The following SEMA6D variants were observed in gnomAD, a reference collection of about 807,000 sequenced individuals.
SEMA6D encodes semaphorin 6D.
SEMA6D carries 35 observed loss-of-function variants against 106.6 expected under a neutral mutation model. The observed-to-expected ratio is 0.33, with a 90% confidence interval of 0.25 to 0.44. The LOEUF is 0.44. Ranked by LOEUF, SEMA6D falls within the 20% of genes least tolerant of loss-of-function variation. The pLI is 1.00. For synonymous variants in SEMA6D, 499 were observed against 487.7 expected, an observed-to-expected ratio of 1.02 and a Z score of -0.31; for missense variants, 1,185 against 1,345.9, an observed-to-expected ratio of 0.88 and a Z score of 1.87.
At chr15:47,570,568 A>C (rs951999589) in intron 3 of SEMA6D, among the ~76,000 whole-genome samples, 6 of 152,200 alleles carry the variant, frequency 3.9e-5, no homozygotes, top group Non-Finnish European at 8.8e-5. Context: ...TGTCTTCATC[A>C]AAAGGGATTG....
intron 3 of SEMA6D, among the ~76,000 whole-genome samples, chr15:47,535,082 A>C (rs75143553): frequency 2.6e-4 from 39 of 151,608 alleles, no homozygotes; most frequent in Admixed American, 2.2e-3. Flanking sequence ...AAAAAAAAAA[A>C]ACACAAAAAC....
At chr15:47,228,549 T>C (rs1595776240) in intron 1 of SEMA6D, among the ~76,000 whole-genome samples, 1 of 152,110 alleles carries the variant, frequency 6.6e-6, no homozygotes, top group East Asian at 1.9e-4. Flanking sequence ...AAAAAATAGC[T>C]GATGTTCACT....
In SEMA6D at chr15:47,283,411, A is replaced by C. The variant is rs150511575; in HGVS notation, c.-239+98993A>C. Among the ~76,000 whole-genome samples, 217 of 152,310 alleles carry C rather than the reference A, an allele frequency of 1.4e-3. 1 individual carries two copies. Among genetic ancestry groups the C allele is most frequent in the African/African-American group, 5.1e-3 (210 of 41,568 alleles). ...TAGGCACATACTGATTAATTGGTTG[A>C]ATTGTACTTTGACTTTCCGTTGGAG... On this transcript the variant is annotated intron_variant, in intron 1 of 19. Coordinates refer to the SEMA6D transcript ENST00000558014.
intron 1 of SEMA6D, among the ~76,000 whole-genome samples, chr15:47,332,434 G>A (rs1432204859): frequency 1.3e-5 from 2 of 152,156 alleles, no homozygotes; most frequent in East Asian, 3.9e-4. Flanking sequence ...TTAAGTTCAA[G>A]GTTTTCACCT....
At chr15:47,267,700 T>C (rs2034384154) in intron 1 of SEMA6D, among the ~76,000 whole-genome samples, 1 of 152,186 alleles carries the variant, frequency 6.6e-6, no homozygotes, top group African/African-American at 2.4e-5. Flanking sequence ...CTTGGCATTC[T>C]CCCTTTTCAT....
At chr15:47,566,672 A>C (rs1055915599) in intron 3 of SEMA6D, among the ~76,000 whole-genome samples, 23 of 152,236 alleles carry the variant, frequency 1.5e-4, no homozygotes, top group African/African-American at 5.1e-4. Flanking sequence ...TACAGATTGC[A>C]TGACTGTGAG....
chr15:47,752,166 T>C (rs956015273), intron 1 of SEMA6D, among the ~76,000 whole-genome samples: 2 of 152,212 alleles, frequency 1.3e-5, no homozygotes, highest in Non-Finnish European at 2.9e-5. Flanking sequence ...GATGCCATGA[T>C]TAGGTTTATA....
chr15:47,507,878 C>T (rs948244506), intron 3 of SEMA6D, among the ~76,000 whole-genome samples: 2 of 152,174 alleles, frequency 1.3e-5, no homozygotes, highest in African/African-American at 2.4e-5. Flanking sequence ...GCATCCTGAA[C>T]AGATTTGGTT....
At chr15:47,707,382 A>T (rs1223621073) in intron 4 of SEMA6D, among the ~76,000 whole-genome samples, 1 of 152,242 alleles carries the variant, frequency 6.6e-6, no homozygotes, top group Admixed American at 6.5e-5. Flanking sequence ...TGAAATAATG[A>T]TTTTTATATA....
At chr15:47,562,726 G>T (rs1246464889) in intron 3 of SEMA6D, among the ~76,000 whole-genome samples, 2 of 152,062 alleles carry the variant, frequency 1.3e-5, no homozygotes, top group African/African-American at 2.4e-5. Context: ...ATACCTTGCT[G>T]GTGGAAATGT....
At chr15:47,662,855 GCGCACACA>G (rs56129427) in intron 4 of SEMA6D, among the ~76,000 whole-genome samples, 14,833 of 104,732 alleles carry the variant, frequency 0.14, 833 homozygotes, top group East Asian at 0.26. Flanking sequence ...GCGTGTATGA[GCGCACACA>G]CACACACACA....
chr15:47,326,467 A>G (rs1395790827), intron 1 of SEMA6D, among the ~76,000 whole-genome samples: 1 of 152,236 alleles, frequency 6.6e-6, no homozygotes, highest in African/African-American at 2.4e-5. Context: ...TGAAGATCAG[A>G]ATTGCAAACA....
rs1203321820 is a variant in SEMA6D at position 47,356,577 on chromosome 15, A to G, written c.-238-55816A>G. 4.6e-5 allele frequency among the ~76,000 whole-genome samples: 7 copies of G among 152,218 alleles called. No individual in the cohort carries two copies. The East Asian group carries it at 1.3e-3, about 29-fold the overall frequency. Reference sequence around the variant, plus strand: ...AATAGAGAAGAGAGAGCGAAAAAAAAAAAAAATCCTTACAAAGGTGTGTGT... The same window carrying G: ...AATAGAGAAGAGAGAGCGAAAAAAAGAAAAAATCCTTACAAAGGTGTGTGT... On this transcript the variant is annotated intron_variant, in intron 1 of 19. Transcript: ENST00000558014.
At chr15:47,356,432 T>C (rs2038574083) in intron 1 of SEMA6D, among the ~76,000 whole-genome samples, 1 of 152,086 alleles carries the variant, frequency 6.6e-6, no homozygotes, top group South Asian at 2.1e-4. Flanking sequence ...AGAGCACAGT[T>C]AAAGCTGGGA....
rs1172707329 is a variant in SEMA6D, at chr15:47,494,789, T to TATATATATAA, written c.-87+24245_-87+24246insTATATATAAA. 2.3e-4 allele frequency among the ~76,000 whole-genome samples: 20 copies of TATATATATAA among 88,864 alleles called. 1 individual carries two copies. Among genetic ancestry groups the TATATATATAA allele is most frequent in the African/African-American group, 8.6e-4 (17 of 19,838 alleles). The allele number at this position is 88,864 out of a possible 152,430, so 58.3% of individuals were successfully genotyped here. On this transcript the variant is annotated intron_variant, in intron 3 of 19. Coordinates refer to the SEMA6D transcript ENST00000558014. ...ATATATATATATATATATATATATATAATCTCCAGATACACACACACACAC... is the reference window on the plus strand; with the variant it reads ...ATATATATATATATATATATATATATATATATATAAAATCTCCAGATACACACACACACAC...
intron 1 of SEMA6D, among the ~76,000 whole-genome samples, chr15:47,282,221 C>T (rs1000490270): frequency 6.6e-6 from 1 of 152,150 alleles, no homozygotes; most frequent in Admixed American, 6.5e-5. Context: ...GTCATGATCC[C>T]TACCCTATCC....
At chr15:47,508,588 T>C (rs1404983502) in intron 3 of SEMA6D, among the ~76,000 whole-genome samples, 2 of 152,186 alleles carry the variant, frequency 1.3e-5, no homozygotes, top group East Asian at 3.9e-4. Flanking sequence ...TGACACATCA[T>C]AGATACTCAA....
chr15:47,437,858 A>G (rs1322083748), intron 2 of SEMA6D, among the ~76,000 whole-genome samples: 2 of 152,012 alleles, frequency 1.3e-5, no homozygotes, highest in African/African-American at 4.8e-5. Context: ...CCTTAAAATT[A>G]TTTTATTCAT....
At chr15:47,298,148 G>A (rs2035876212) in intron 1 of SEMA6D, among the ~76,000 whole-genome samples, 1 of 152,140 alleles carries the variant, frequency 6.6e-6, no homozygotes, top group African/African-American at 2.4e-5. Context: ...GGAATGATGT[G>A]GTGAGAAGAA....
Sources: allele counts gnomAD v4.1 joint callset (sites outside exome capture counted in the v4.1 genomes callset), GRCh38; gene constraint gnomAD v4.1.1; transcripts MANE v1.5; gene names NCBI Gene and HGNC (gene_info 2026-07-23, HGNC 2026-07-21).